Variants in HID1 observed in about 807,000 individuals in gnomAD.
The protein encoded by HID1 is protein HID1.
HID1 carries 42 observed loss-of-function variants against 89.7 expected under a neutral mutation model. The observed-to-expected ratio is 0.47, with a 90% CI of 0.37 to 0.61. HID1 has a LOEUF of 0.61. Ranked by LOEUF, HID1 falls within the 20% of genes least tolerant of loss-of-function variation. HID1 has a pLI of 0.00. For missense variants in HID1, 854 were observed against 1,039.3 expected (o/e 0.82, Z 2.45); for synonymous variants, 442 against 433.8 (o/e 1.02, Z -0.24).
Position 74,958,065 on chromosome 17 carries a change from G to A in HID1, c.1471+76C>T, listed in dbSNP as rs2039418781. The stretch of plus-strand genomic sequence containing the variant: ...GTGGGCTGGAGGGGCTTGAAACCTG[G>A]AGCAAGTGGCAGGTTGGCCTGTGGC... On this transcript the variant is annotated intron_variant, in intron 12 of 18. Coordinates refer to ENST00000425042, the MANE Select transcript of HID1 (RefSeq NM_030630.3). This position sits in a 1 kb window ranked among gnomAD's most constrained non-coding sequence, Gnocchi z 5.2. 7.4e-7 allele frequency: 1 copy of A among 1,357,152 alleles called. No individual in the cohort carries two copies. Among genetic ancestry groups the A allele is most frequent in the Non-Finnish European group, 1.0e-6 (1 of 976,572 alleles). 84.1% of individuals were successfully genotyped at this position (1,357,152 alleles called of 1,614,324 possible).
rs201062726 is a variant in HID1, at chr17:74,958,627, C to T, written c.1240+46G>A. On this transcript the variant is annotated intron_variant, in intron 10 of 18. Coordinates refer to ENST00000425042, the MANE Select transcript of HID1 (RefSeq NM_030630.3). This position sits in a 1 kb window ranked among gnomAD's most constrained non-coding sequence, Gnocchi z 5.2. ...AGGGCAGATAGCCAGCCCTCCACCT[C>T]GCCGCCAGGAAAGCCCCCAGCATCC... The T allele has an allele frequency of 6.3e-5, 100 of 1,598,674 alleles. No homozygotes were observed. Among genetic ancestry groups the T allele is most frequent in the Middle Eastern group, 1.7e-4 (1 of 5,934 alleles).
chr17:74,963,734 A>C lies in HID1; in HGVS notation c.387+6T>G, dbSNP rs1445592356. 6.3e-7 allele frequency: 1 copy of C among 1,598,942 alleles called. No individual in the cohort carries two copies. Among genetic ancestry groups the C allele is most frequent in the Non-Finnish European group, 8.5e-7 (1 of 1,172,842 alleles). On this transcript the variant is annotated splice_donor_region_variant and intron_variant, in intron 3 of 18. Coordinates refer to ENST00000425042, the MANE Select transcript of HID1 (RefSeq NM_030630.3). ...CTCCCACCCAGCCCTGGCCAGGCCC[A>C]CAGACCCCTCCTCGCCCTGCCCCGG... is the stretch of plus-strand genomic sequence containing the variant.
At chr17:74,953,728 T>G in intron 14 of HID1, 77 bp from the exon 15 acceptor site, 1 of 1,135,768 alleles carries the variant, frequency 8.8e-7, no homozygotes. Context: ...CACTTTTTTA[T>G]TTTTATTTGT....
chr17:74,958,651 C>CGG lies in HID1; in HGVS notation c.1240+21_1240+22insCC. The CGG allele has an allele frequency of 2.3e-5, 18 of 769,954 alleles. No homozygotes were observed. Among genetic ancestry groups the CGG allele is most frequent in the Non-Finnish European group, 3.4e-5 (15 of 442,084 alleles). 47.7% of individuals were successfully genotyped at this position (769,954 alleles called of 1,614,324 possible). ...TCGCCGCCAGGAAAGCCCCCAGCAT[C>CGG]CCACCCCCACCCTGGTCTTACACTG... On this transcript the variant is annotated intron_variant, in intron 10 of 18. Coordinates refer to ENST00000425042, the MANE Select transcript of HID1 (RefSeq NM_030630.3). The surrounding 1 kb of genome is among the most constrained non-coding windows in gnomAD (Gnocchi z 5.2).
intron 13 of HID1, chr17:74,954,595 C>A: frequency 1.4e-6 from 1 of 693,924 alleles, no homozygotes; most frequent in Non-Finnish European, 2.3e-6. Context: ...CACAACACCC[C>A]CGCCCCAGTG....
At chr17:74,961,690 T>C (rs2039482107) in intron 6 of HID1, 183 bp downstream of exon 6, 1 of 374,396 alleles carries the variant, frequency 2.7e-6, no homozygotes, top group Non-Finnish European at 4.8e-6. Flanking sequence ...CCCCAGATTC[T>C]GTCCTGTCGA....
chr17:74,969,111 A>G, intron 1 of HID1, among the ~76,000 whole-genome samples: 1 of 152,132 alleles, frequency 6.6e-6, no homozygotes, highest in South Asian at 2.1e-4. Context: ...TAGGCTTCTA[A>G]TGGGAGAAAC....
At chr17:74,970,941 A>G (rs1469282501) in intron 1 of HID1, 2 of 152,674 alleles carry the variant, frequency 1.3e-5, no homozygotes, top group African/African-American at 4.8e-5. Flanking sequence ...TGCTCTCCAG[A>G]AGGCTGGTCT....
intron 1 of HID1, among the ~76,000 whole-genome samples, chr17:74,967,569 G>T (rs981137263): frequency 2.6e-5 from 4 of 152,038 alleles, no homozygotes; most frequent in Admixed American, 2.6e-4. Context: ...AATAATAATG[G>T]CTGGGCACAG....
At chr17:74,954,416 C>A in intron 13 of HID1, 51 bp from the exon 14 acceptor site, 1 of 1,547,710 alleles carries the variant, frequency 6.5e-7, no homozygotes, top group Non-Finnish European at 8.7e-7. Context: ...CCAGCTCCCC[C>A]CGTCCAATCT....
chr17:74,963,447 G>A (rs537956961), intron 3 of HID1: 34 of 507,702 alleles, frequency 6.7e-5, no homozygotes, highest in Non-Finnish European at 1.0e-4. Context: ...GTCCCTCTCC[G>A]GCCCTCAGAG....
rs2144795975 is a variant in HID1, at chr17:74,951,526, A to G, written c.*44T>C. ...TGGATGGGGGAAGCCTCAGGGACCA[A>G]GGCCCTGCCTTCCCCTAGACTGAGC... On this transcript the variant is annotated 3_prime_UTR_variant, in exon 19 of 19. Transcript: ENST00000425042. 6.4e-7 allele frequency: 1 copy of G among 1,564,300 alleles called. No homozygotes were observed. The highest frequency in any genetic ancestry group is 8.7e-7 in the Non-Finnish European group (1 of 1,143,948).
In HID1 at chr17:74,953,558, C is replaced by A; in HGVS notation, c.1958G>T (p.Ser653Ile). ...PEPQQSLEDG[S>I]PAKGEPSQAW... Reference sequence around the variant, plus strand: ...CCCGTCACCCACCCCCTTAGCCGGGCTGCCATCCTCCAAGCTCTGCTGGGG... The same window carrying A: ...CCCGTCACCCACCCCCTTAGCCGGGATGCCATCCTCCAAGCTCTGCTGGGG... The change falls in exon 15 of 19, where the codon AGC (serine) becomes ATC (isoleucine). Residue 653 changes from serine to isoleucine, a missense_variant. Coordinates refer to ENST00000425042, the MANE Select transcript of HID1 (RefSeq NM_030630.3). The A allele has an allele frequency of 6.2e-7, 1 of 1,613,940 alleles. No individual in the cohort carries two copies. Among genetic ancestry groups the A allele is most frequent in the Non-Finnish European group, 8.5e-7 (1 of 1,179,888 alleles).
rs1390116811 is a variant in HID1 at position 74,954,375 on chromosome 17, G to T, written c.1637-10C>A. On this transcript the variant is annotated splice_polypyrimidine_tract_variant and intron_variant, in intron 13 of 18. Coordinates refer to ENST00000425042, the MANE Select transcript of HID1 (RefSeq NM_030630.3). Reference sequence around the variant, plus strand: ...ACCAGGTTGGAGTTGCCTGTGGGCAGGGAGCATGCCTCGCCTCAGGGAGGC... The same window carrying T: ...ACCAGGTTGGAGTTGCCTGTGGGCATGGAGCATGCCTCGCCTCAGGGAGGC... The T allele has an allele frequency of 1.9e-6, 3 of 1,557,168 alleles. No homozygotes were observed. In the South Asian group the frequency reaches 3.6e-5, roughly 18 times the overall value.
intron 12 of HID1, chr17:74,957,940 C>G: frequency 1.7e-6 from 1 of 586,970 alleles, no homozygotes; most frequent in Non-Finnish European, 3.0e-6. Context: ...ATATTGGCTA[C>G]ATGTTGAGAT....
chr17:74,951,114 G>A lies in HID1; in HGVS notation c.*456C>T, dbSNP rs932982537. On this transcript the variant is annotated 3_prime_UTR_variant, in exon 19 of 19. Transcript: ENST00000425042. ...CCACACCTTTTTCCCCTGGAGCCTG[G>A]AACAGCTGGCTTTGGGTTAGGAGGC... 5.1e-4 allele frequency: 81 copies of A among 159,530 alleles called. No individual in the cohort carries two copies. The highest frequency in any genetic ancestry group is 8.7e-4 in the Non-Finnish European group (64 of 73,358). 9.9% of individuals were successfully genotyped at this position (159,530 alleles called of 1,614,324 possible). A position where few individuals can be genotyped will look rare whatever the true frequency, so the allele number is the denominator to read the frequency against.
rs370226165 is a variant in HID1 at position 74,963,037 on chromosome 17, G to A, written c.432C>T (p.Ser144=). ...GCAGGTCAGCAATGGCCAGGAGCAGGGACTCGGCCAGGGGCCTGGCATGCT... is the reference window on the plus strand; with the variant it reads ...GCAGGTCAGCAATGGCCAGGAGCAGAGACTCGGCCAGGGGCCTGGCATGCT... ...DDEHARPLAE[S]LLLAIADLLF... The change falls in exon 4 of 19, where the codon TCC becomes TCT. Residue 144 remains serine, a synonymous_variant. Transcript: ENST00000425042. 1.8e-5 allele frequency: 29 copies of A among 1,613,300 alleles called. No homozygotes were observed. The highest frequency in any genetic ancestry group is 6.7e-5 in the Admixed American group (4 of 59,942).
chr17:74,960,122 G>C lies in HID1; in HGVS notation c.855C>G (p.Ala285=). ...DYREPLVEEA[A]QVLIVTLDHD... The stretch of plus-strand genomic sequence containing the variant: ...GGTCCAAAGTGACAATGAGCACCTG[G>C]GCAGCCTCCTCCACCAGGGGTTCCC... Residue 285 remains alanine (A), a synonymous_variant, in exon 7 of 19, where the codon GCC becomes GCG. Transcript: ENST00000425042. The C allele has an allele frequency of 6.2e-7, 1 of 1,614,040 alleles. No individual in the cohort carries two copies. The highest frequency in any genetic ancestry group is 8.5e-7 in the Non-Finnish European group (1 of 1,180,048).
At chr17:74,953,499 A>G (rs1457264724) in intron 15 of HID1, 46 bp downstream of exon 15, 4 of 1,515,172 alleles carry the variant, frequency 2.6e-6, no homozygotes, top group Middle Eastern at 1.9e-4. Context: ...CCAGGGAGGA[A>G]GGGAAGGGCC....
Sources: gnomAD v4.1 joint callset for allele counts (sites outside exome capture counted in the v4.1 genomes callset) on GRCh38, gnomAD v4.1.1 for gene constraint, Gnocchi (gnomAD v3.1) non-coding constraint, MANE v1.5 for transcripts, NCBI Gene and HGNC (gene_info 2026-07-23, HGNC 2026-07-21) for gene names.